The following CELF2 variants were observed in gnomAD, a reference collection of about 807,000 sequenced individuals.
The protein encoded by CELF2 is CUG triplet repeat RNA-binding protein 2.
Under a neutral mutation model 62.6 loss-of-function variants are expected in CELF2, and 8 were observed. The observed-to-expected ratio is 0.13, with a 90% CI of 0.07 to 0.23. CELF2 has a LOEUF of 0.23. Ranked by LOEUF, CELF2 falls within the 10% of genes least tolerant of loss-of-function variation. The pLI is 1.00. For missense variants in CELF2, 333 were observed against 671.0 expected, an observed-to-expected ratio of 0.50 and a Z score of 5.56; for synonymous variants, 258 against 250.0, an observed-to-expected ratio of 1.03 and a Z score of -0.30.
At chr10:10,537,056 C>T in the CELF2 span, among the ~76,000 whole-genome samples, 52 of 152,218 alleles carry the variant, frequency 3.4e-4, no homozygotes, top group African/African-American at 1.2e-3. Context: ...AATGCCACTG[C>T]CGGAGTAAAA....
intron 1 of CELF2, among the ~76,000 whole-genome samples, chr10:11,109,413 C>T (rs1020568264): frequency 6.6e-6 from 1 of 152,170 alleles, no homozygotes; most frequent in Non-Finnish European, 1.5e-5. Flanking sequence ...TCACTGGAGC[C>T]TCAAGTACAT....
At position 11,139,852 on chromosome 10, in the gene CELF2, T is replaced by A. The variant is rs552374101; in HGVS notation, c.75-25634T>A. ...CCACATCATTCAGTTTTTTTTTTTT[T>A]TTATTCAGCAAACACCCCCTCAGGT... On this transcript the variant is annotated intron_variant, in intron 1 of 12. Transcript: ENST00000633077. 5.3e-4 allele frequency among the ~76,000 whole-genome samples: 81 copies of A among 152,074 alleles called. 1 individual carries two copies. Among genetic ancestry groups the A allele is most frequent in the African/African-American group, 1.6e-3 (68 of 41,402 alleles).
the CELF2 span, among the ~76,000 whole-genome samples, chr10:10,530,872 CT>C: frequency 6.2e-3 from 937 of 152,286 alleles, 11 homozygotes; most frequent in African/African-American, 0.021. Flanking sequence ...ATAGAATGGT[CT>C]TTTTAATGCC....
chr10:10,877,617 T>C (rs1296777367), intron 1 of CELF2, among the ~76,000 whole-genome samples: 2 of 152,200 alleles, frequency 1.3e-5, no homozygotes, highest in African/African-American at 4.8e-5. Flanking sequence ...AGCTTAGTGA[T>C]TTGGGGGCCC....
the CELF2 span, among the ~76,000 whole-genome samples, chr10:10,662,267 G>C: frequency 6.6e-6 from 1 of 152,198 alleles, no homozygotes; most frequent in Admixed American, 6.5e-5. Flanking sequence ...AATGCACTCA[G>C]ACTTCATGTG....
In CELF2 at chr10:11,058,387, T is replaced by C. The variant is rs537816121; in HGVS notation, c.74+40224T>C. On this transcript the variant is annotated intron_variant, in intron 1 of 12. Transcript: ENST00000633077. ...AAGAGTTTTATCTTAACTTACTGTG[T>C]TAAAGTATAAAGTATTATTTTTCAA... is the stretch of plus-strand genomic sequence containing the variant. 2.0e-5 allele frequency among the ~76,000 whole-genome samples: 3 copies of C among 152,254 alleles called. No homozygotes were observed. The East Asian group carries it at 5.8e-4, about 29-fold the overall frequency.
chr10:10,573,092 C>T, the CELF2 span, among the ~76,000 whole-genome samples: 8 of 152,146 alleles, frequency 5.3e-5, no homozygotes, highest in Non-Finnish European at 8.8e-5. Context: ...ATTTGAATTT[C>T]TCTAATAATC....
chr10:11,196,605 T>TA (rs2057551445), intron 2 of CELF2, among the ~76,000 whole-genome samples: 1 of 151,642 alleles, frequency 6.6e-6, no homozygotes, highest in Non-Finnish European at 1.5e-5. Flanking sequence ...AGTTTGTGGT[T>TA]ATACTGCACT....
chr10:10,554,084 A>G, the CELF2 span, among the ~76,000 whole-genome samples: 1 of 152,174 alleles, frequency 6.6e-6, no homozygotes, highest in Non-Finnish European at 1.5e-5. Flanking sequence ...TGGAGAGACC[A>G]TGGCTTGGAC....
intron 1 of CELF2, among the ~76,000 whole-genome samples, chr10:11,121,402 T>C (rs1009169806): frequency 6.6e-6 from 1 of 152,206 alleles, no homozygotes; most frequent in African/African-American, 2.4e-5. Flanking sequence ...TTTTCTGTTT[T>C]GCAGTACCCT....
At chr10:10,479,174 T>G in the CELF2 span, among the ~76,000 whole-genome samples, 1 of 152,244 alleles carries the variant, frequency 6.6e-6, no homozygotes, top group South Asian at 2.1e-4. Context: ...ACTAATTTTT[T>G]TTGTTGTTTT....
At chr10:11,042,743 A>G (rs1368854652) in intron 1 of CELF2, among the ~76,000 whole-genome samples, 2 of 152,184 alleles carry the variant, frequency 1.3e-5, no homozygotes, top group African/African-American at 4.8e-5. Flanking sequence ...TTCTGTGTTA[A>G]CTGGATTTGC....
chr10:10,698,980 T>C, the CELF2 span, among the ~76,000 whole-genome samples: 4 of 152,064 alleles, frequency 2.6e-5, no homozygotes, highest in Non-Finnish European at 5.9e-5. Flanking sequence ...TTATATTATA[T>C]AACATACTAG....
chr10:10,672,004 A>G, the CELF2 span, among the ~76,000 whole-genome samples: 1 of 152,176 alleles, frequency 6.6e-6, no homozygotes, highest in East Asian at 1.9e-4. Flanking sequence ...TACTGGGATT[A>G]CAGGTGTAAG....
chr10:11,288,349 C>T, intron 8 of CELF2, 69 bp from the exon 9 acceptor site: 1 of 1,578,110 alleles, frequency 6.3e-7, no homozygotes, highest in South Asian at 1.2e-5. Context: ...TTTGATGAGC[C>T]TGCTCTTGTT....
chr10:11,250,797 GGT>G lies in CELF2; in HGVS notation c.403+1599_403+1600del, dbSNP rs2076901866. Among the ~76,000 whole-genome samples, 4 of 152,314 alleles carry G rather than the reference GGT, an allele frequency of 2.6e-5. No homozygotes were observed. In the South Asian group the frequency reaches 6.2e-4, roughly 24 times the overall value. ...TCCCCTGAGCCCAAGACTCAAATAAGGTGTTTGTAACAGTCTCTGTAATGATA... is the reference window on the plus strand; with the variant it reads ...TCCCCTGAGCCCAAGACTCAAATAAGGTTTGTAACAGTCTCTGTAATGATA... On this transcript the variant is annotated intron_variant, in intron 4 of 12. Transcript: ENST00000633077.
the CELF2 span, among the ~76,000 whole-genome samples, chr10:10,665,603 T>C: frequency 1.3e-5 from 2 of 152,198 alleles, no homozygotes; most frequent in African/African-American, 4.8e-5. Flanking sequence ...ATTTTGTAGT[T>C]GAAAATAAAG....
intron 1 of CELF2, among the ~76,000 whole-genome samples, chr10:11,036,964 T>A (rs1471100282): frequency 6.6e-6 from 1 of 152,242 alleles, no homozygotes; most frequent in African/African-American, 2.4e-5. Context: ...CTCCTGACTG[T>A]GGGCGTCTTG....
At position 11,127,258 on chromosome 10, in the gene CELF2, G is replaced by A. The variant is rs1290604528; in HGVS notation, c.75-38228G>A. Among the ~76,000 whole-genome samples, 3 of 152,270 alleles carry A rather than the reference G, an allele frequency of 2.0e-5. No individual in the cohort carries two copies. The East Asian group carries it at 5.8e-4, about 29-fold the overall frequency. ...TTATGGCTGCATAGTATTCCATGGT[G>A]TATATGTGCCATATTTTATTAATCC... On this transcript the variant is annotated intron_variant, in intron 1 of 12. Coordinates refer to ENST00000633077, the MANE Select transcript of CELF2 (RefSeq NM_001326342.2).
Sources: gnomAD v4.1 joint callset for allele counts (sites outside exome capture counted in the v4.1 genomes callset) on GRCh38, gnomAD v4.1.1 for gene constraint, MANE v1.5 for transcripts, NCBI Gene and HGNC (gene_info 2026-07-23, HGNC 2026-07-21) for gene names.